TRAF3IP1: variants seen among roughly 807,000 people sequenced by gnomAD.
The protein encoded by TRAF3IP1 is intraflagellar transport 54.
A neutral mutation model predicts 89.9 loss-of-function variants in TRAF3IP1; 53 were observed. The observed-to-expected ratio is 0.59, with a 90% CI of 0.47 to 0.74. The LOEUF (loss-of-function observed/expected upper bound fraction) is 0.74, where lower values mean the gene tolerates loss of function less well. TRAF3IP1 is among the 30% of genes least tolerant of loss of function. The pLI is 0.00. For synonymous variants in TRAF3IP1, 311 were observed against 322.1 expected, an observed-to-expected ratio of 0.97 and a Z score of 0.37; for missense variants, 806 against 866.1, an observed-to-expected ratio of 0.93 and a Z score of 0.87.
At chr2:238,338,908 G>T (rs538271625) in intron 8 of TRAF3IP1, among the ~76,000 whole-genome samples, 29 of 152,370 alleles carry the variant, frequency 1.9e-4, no homozygotes, top group African/African-American at 6.3e-4. Context: ...CAGCCGTGTG[G>T]TGGGTGTGCC....
chr2:238,362,565 G>C (rs1410685013), intron 15 of TRAF3IP1, among the ~76,000 whole-genome samples: 1 of 152,148 alleles, frequency 6.6e-6, no homozygotes, highest in Non-Finnish European at 1.5e-5. Context: ...AGGGAGAAAA[G>C]GGAGGAAGGA....
chr2:238,353,312 C>T lies in TRAF3IP1; in HGVS notation c.1612+103C>T. The T allele has an allele frequency of 9.1e-6, 12 of 1,325,352 alleles. No individual in the cohort carries two copies. In the South Asian group the frequency reaches 1.5e-4, roughly 17 times the overall value. The allele number at this position is 1,325,352 out of a possible 1,614,324, so 82.1% of individuals were successfully genotyped here. On this transcript the variant is annotated intron_variant, in intron 14 of 16. Transcript: ENST00000373327. ...TCCAGTGCAAGGGACTGTTGTGTGC[C>T]AGGTTCTGGTCTGGGTCACACTGGC...
Position 238,385,335 on chromosome 2 carries a change from T to C in TRAF3IP1, c.1690-12124T>C, listed in dbSNP as rs894790625. ...CTGGCCTGTAGCATCGTTTAAGTGT[T>C]GACTACTTACCTTACATTTAACCAA... is the stretch of plus-strand genomic sequence containing the variant. On this transcript the variant is annotated intron_variant, in intron 15 of 16. Transcript: ENST00000373327. 2.6e-5 allele frequency among the ~76,000 whole-genome samples: 4 copies of C among 152,320 alleles called. No homozygotes were observed. In the South Asian group the frequency reaches 8.3e-4, roughly 32 times the overall value.
At chr2:238,350,049 C>T (rs913872309) in intron 12 of TRAF3IP1, among the ~76,000 whole-genome samples, 1 of 151,098 alleles carries the variant, frequency 6.6e-6, no homozygotes, top group South Asian at 2.1e-4. Flanking sequence ...CCAGCCTGGG[C>T]GACAGAGTGA....
chr2:238,351,866 TGC>T lies in TRAF3IP1; in HGVS notation c.1452-949_1452-948del, dbSNP rs964910880. On this transcript the variant is annotated intron_variant, in intron 12 of 16. Coordinates refer to ENST00000373327, the MANE Select transcript of TRAF3IP1 (RefSeq NM_015650.4). This position sits in a 1 kb window ranked among gnomAD's most constrained non-coding sequence, Gnocchi z 5.2. ...GTGTGTGTGTGTGTGTGTGTGTGTG[TGC>T]GCGCGCGCGCGTGTGCGTGCATGTG... Among the ~76,000 whole-genome samples the T allele has an allele frequency of 7.8e-5, 10 of 128,192 alleles. No homozygotes were observed. Among genetic ancestry groups the T allele is most frequent in the African/African-American group, 1.7e-4 (5 of 29,418 alleles). 84.1% of individuals were successfully genotyped at this position (128,192 alleles called of 152,430 possible). A position where few individuals can be genotyped will look rare whatever the true frequency, so the allele number is the denominator to read the frequency against.
chr2:238,391,300 A>C (rs2106377962), intron 15 of TRAF3IP1, among the ~76,000 whole-genome samples: 1 of 152,336 alleles, frequency 6.6e-6, no homozygotes, highest in South Asian at 2.1e-4. Context: ...CAGTCATCTA[A>C]TTCCTGTGTG....
rs911178877 is a variant in TRAF3IP1, at chr2:238,385,024, A to AT, written c.1690-12426dup. ...GCTTTTTATTTTTCTTTCTTTCTTT[A>AT]TTTTTTTTTGAGATGGACTCTCGCT... On this transcript the variant is annotated intron_variant, in intron 15 of 16. Coordinates refer to ENST00000373327, the MANE Select transcript of TRAF3IP1 (RefSeq NM_015650.4). 3.5e-4 allele frequency among the ~76,000 whole-genome samples: 52 copies of AT among 149,868 alleles called. No individual in the cohort carries two copies. In the South Asian group the frequency reaches 5.1e-3, roughly 15 times the overall value.
At chr2:238,369,020 A>T (rs1574950086) in intron 15 of TRAF3IP1, among the ~76,000 whole-genome samples, 1 of 152,130 alleles carries the variant, frequency 6.6e-6, no homozygotes, top group South Asian at 2.1e-4. Flanking sequence ...ATACTCTTAC[A>T]TGATGCACCA....
At chr2:238,394,767 AT>A (rs1423239899) in intron 15 of TRAF3IP1, among the ~76,000 whole-genome samples, 1 of 152,206 alleles carries the variant, frequency 6.6e-6, no homozygotes, top group Non-Finnish European at 1.5e-5. Context: ...AAGCCAGTAA[AT>A]GGTGGAACTA....
intron 15 of TRAF3IP1, among the ~76,000 whole-genome samples, chr2:238,392,995 AG>A (rs1454190263): frequency 6.6e-6 from 1 of 152,242 alleles, no homozygotes; most frequent in African/African-American, 2.4e-5. Context: ...CTTTGATTAA[AG>A]CATCCGCATG....
Position 238,332,841 on chromosome 2 carries a change from G to C in TRAF3IP1, c.933G>C (p.Glu311Asp), listed in dbSNP as rs1698196206. The C allele has an allele frequency of 1.9e-6, 3 of 1,612,034 alleles. No homozygotes were observed. Among genetic ancestry groups the C allele is most frequent in the Non-Finnish European group, 2.5e-6 (3 of 1,178,758 alleles). Residue 311 changes from glutamate to aspartate, a missense_variant, in exon 6 of 17, where the codon GAG (glutamate) becomes GAC (aspartate). This residue lies in a region of TRAF3IP1 where 732 missense variants were observed against 780.5 expected (regional missense o/e 0.94). Transcript: ENST00000373327. ...KPEKKSASSG[E>D]MSKKLSDGTF... ...TTTAATAGTCAGCAAGCTCAGGGGA[G>C]ATGTCTAAAAAGTTATCAGATGGAA... is the stretch of plus-strand genomic sequence containing the variant.
At chr2:238,350,505 A>G (rs190880459) in intron 12 of TRAF3IP1, among the ~76,000 whole-genome samples, 2 of 152,314 alleles carry the variant, frequency 1.3e-5, no homozygotes, top group East Asian at 3.9e-4. Flanking sequence ...GTCGCTGTGC[A>G]CGAGAGTGGG....
intron 1 of TRAF3IP1, 116 bp downstream of exon 1, chr2:238,320,901 T>G: frequency 1.1e-6 from 1 of 922,040 alleles, no homozygotes. Context: ...CAGGTGCGGG[T>G]CGGGGGCCGG....
At chr2:238,358,111 A>G (rs1226528008) in intron 15 of TRAF3IP1, among the ~76,000 whole-genome samples, 1 of 141,646 alleles carries the variant, frequency 7.1e-6, no homozygotes, top group Admixed American at 7.1e-5. Flanking sequence ...CATTTTTGTT[A>G]CATTTTTTTT....
chr2:238,361,368 C>T (rs1699652428), intron 15 of TRAF3IP1, among the ~76,000 whole-genome samples: 1 of 152,136 alleles, frequency 6.6e-6, no homozygotes, highest in Non-Finnish European at 1.5e-5. Flanking sequence ...CAGCCTTTTT[C>T]TTTATACATT....
chr2:238,396,080 G>A (rs1294693227), intron 15 of TRAF3IP1, among the ~76,000 whole-genome samples: 1 of 152,042 alleles, frequency 6.6e-6, no homozygotes, highest in Non-Finnish European at 1.5e-5. Context: ...ACATGCACAC[G>A]TATGTTTATT....
At chr2:238,343,111 A>C (rs1437109246) in intron 8 of TRAF3IP1, among the ~76,000 whole-genome samples, 1 of 150,064 alleles carries the variant, frequency 6.7e-6, no homozygotes, top group Non-Finnish European at 1.5e-5. Flanking sequence ...TTTTTGAGAC[A>C]GAGTCTGGCT....
chr2:238,372,126 ACTTT>A (rs551266870), intron 15 of TRAF3IP1, among the ~76,000 whole-genome samples: 1,853 of 152,178 alleles, frequency 0.012, 14 homozygotes, highest in South Asian at 0.017. Flanking sequence ...TTTTTTCTCC[ACTTT>A]CTTTTTCATT....
At chr2:238,381,456 T>C (rs1700547786) in intron 15 of TRAF3IP1, among the ~76,000 whole-genome samples, 2 of 152,112 alleles carry the variant, frequency 1.3e-5, no homozygotes, top group African/African-American at 4.8e-5. Flanking sequence ...CTCAGTGGCA[T>C]TTGGAAGTGG....
Sources: allele counts gnomAD v4.1 joint callset (sites outside exome capture counted in the v4.1 genomes callset), GRCh38; gene constraint gnomAD v4.1.1; regional missense constraint gnomAD v4.1.1; non-coding constraint Gnocchi (gnomAD v3.1); transcripts MANE v1.5; gene names NCBI Gene and HGNC (gene_info 2026-07-23, HGNC 2026-07-21).